ANKRD45: variants seen among roughly 807,000 people sequenced by gnomAD.
ANKRD45 encodes the protein ankyrin repeat domain 45.
Under a neutral mutation model 28.1 loss-of-function variants are expected in ANKRD45, and 21 were observed. The observed-to-expected ratio is 0.75, with a 90% CI of 0.53 to 1.08. The LOEUF (loss-of-function observed/expected upper bound fraction) is 1.08, where lower values mean the gene tolerates loss of function less well. ANKRD45 is among the 50% of genes least tolerant of loss of function. The pLI is 0.00. For synonymous variants in ANKRD45, 86 were observed against 103.9 expected (o/e 0.83, Z 1.05); for missense variants, 261 against 308.7 (o/e 0.85, Z 1.16).
chr1:173,694,452 C>T, the ANKRD45 span, among the ~76,000 whole-genome samples: 1 of 151,996 alleles, frequency 6.6e-6, no homozygotes, highest in Non-Finnish European at 1.5e-5. Context: ...GCGTGAATCA[C>T]TGTGCCTGGC....
chr1:173,645,255 C>G (rs1668872937), intron 3 of ANKRD45, among the ~76,000 whole-genome samples: 1 of 152,148 alleles, frequency 6.6e-6, no homozygotes, highest in Non-Finnish European at 1.5e-5. Flanking sequence ...ATCAATTATT[C>G]TAGTCCCTTT....
At chr1:173,697,637 G>A in the ANKRD45 span, among the ~76,000 whole-genome samples, 6 of 152,128 alleles carry the variant, frequency 3.9e-5, no homozygotes, top group Non-Finnish European at 8.8e-5. Flanking sequence ...TCACCACCAG[G>A]CCTGCCTTAC....
At chr1:173,659,035 C>A in intron 2 of ANKRD45, 56 bp downstream of exon 2, 1 of 1,568,136 alleles carries the variant, frequency 6.4e-7, no homozygotes, top group Non-Finnish European at 8.6e-7. Flanking sequence ...AAAGATATTA[C>A]ATTGCATCTT....
At chr1:173,690,912 G>A in the ANKRD45 span, among the ~76,000 whole-genome samples, 1 of 152,072 alleles carries the variant, frequency 6.6e-6, no homozygotes, top group Non-Finnish European at 1.5e-5. Context: ...CTTTTGGGGT[G>A]GGGCTCAATT....
intron 2 of ANKRD45, among the ~76,000 whole-genome samples, chr1:173,650,280 G>A (rs992656861): frequency 4.6e-5 from 7 of 151,948 alleles, no homozygotes; most frequent in East Asian, 1.9e-4. Context: ...AATAGACCCC[G>A]GTGTGTGATG....
the ANKRD45 span, among the ~76,000 whole-genome samples, chr1:173,705,553 A>G: frequency 6.6e-6 from 1 of 150,980 alleles, no homozygotes; most frequent in East Asian, 1.9e-4. Context: ...CGTAGTCCCA[A>G]CTATTTGTGG....
chr1:173,670,714 AGTT>A (rs1284378541), upstream of ANKRD45, among the ~76,000 whole-genome samples: 1 of 152,234 alleles, frequency 6.6e-6, no homozygotes, highest in Non-Finnish European at 1.5e-5. Context: ...GGTGATAGGC[AGTT>A]GTTAACTGTC....
At chr1:173,678,147 G>A in the ANKRD45 span, among the ~76,000 whole-genome samples, 7 of 152,150 alleles carry the variant, frequency 4.6e-5, no homozygotes, top group Non-Finnish European at 1.0e-4. Context: ...GACGTACAAA[G>A]AGGAACTGGT....
chr1:173,643,236 C>G (rs1668781271), intron 3 of ANKRD45, among the ~76,000 whole-genome samples: 1 of 146,084 alleles, frequency 6.8e-6, no homozygotes, highest in South Asian at 2.2e-4. Flanking sequence ...TGTAGTGGCT[C>G]CATCTTGGCT....
chr1:173,619,921 T>G (rs1667628501), intron 5 of ANKRD45, among the ~76,000 whole-genome samples: 1 of 151,414 alleles, frequency 6.6e-6, no homozygotes, highest in African/African-American at 2.4e-5. Flanking sequence ...TAAATATATA[T>G]GCACACAATA....
At chr1:173,630,548 A>T (rs989343124) in intron 3 of ANKRD45, among the ~76,000 whole-genome samples, 3 of 150,960 alleles carry the variant, frequency 2.0e-5, no homozygotes, top group African/African-American at 7.3e-5. Flanking sequence ...GTAATCTCAA[A>T]TCAAAAAACA....
the ANKRD45 span, among the ~76,000 whole-genome samples, chr1:173,713,882 CTTCCATTT>C: frequency 6.6e-6 from 1 of 152,132 alleles, no homozygotes; most frequent in African/African-American, 2.4e-5. Flanking sequence ...AATAAAACTT[CTTCCATTT>C]TTCCACTCGA....
At chr1:173,672,321 A>C (rs1287323845), upstream of ANKRD45, among the ~76,000 whole-genome samples, 2 of 152,220 alleles carry the variant, frequency 1.3e-5, no homozygotes, top group Non-Finnish European at 1.5e-5. Flanking sequence ...TCTACTCAAC[A>C]ATCATTTCTT....
chr1:173,615,205 C>T (rs1025706369), intron 5 of ANKRD45, among the ~76,000 whole-genome samples: 5 of 151,624 alleles, frequency 3.3e-5, no homozygotes, highest in East Asian at 1.9e-4. Context: ...GCCAACATGG[C>T]GAAACCCCAT....
At chr1:173,625,635 A>T (rs1260727815) in intron 4 of ANKRD45, among the ~76,000 whole-genome samples, 1 of 151,652 alleles carries the variant, frequency 6.6e-6, no homozygotes, top group African/African-American at 2.4e-5. Context: ...GCATATGCAG[A>T]AGTATGTAGA....
chr1:173,632,630 A>G (rs142631184), intron 3 of ANKRD45, among the ~76,000 whole-genome samples: 1 of 152,060 alleles, frequency 6.6e-6, no homozygotes, highest in Non-Finnish European at 1.5e-5. Flanking sequence ...ACTGAATTCA[A>G]CCACACATTT....
the ANKRD45 span, among the ~76,000 whole-genome samples, chr1:173,682,240 T>C: frequency 2.0e-5 from 3 of 152,200 alleles, no homozygotes; most frequent in African/African-American, 7.2e-5. Flanking sequence ...CTAGACCACA[T>C]GATCTTTTTA....
intron 3 of ANKRD45, among the ~76,000 whole-genome samples, chr1:173,644,947 C>T (rs1007853234): frequency 4.7e-5 from 7 of 149,460 alleles, no homozygotes; most frequent in Non-Finnish European, 1.0e-4. Context: ...GAGTCAAGAT[C>T]ACGTCATTGT....
intron 3 of ANKRD45, among the ~76,000 whole-genome samples, chr1:173,644,498 T>A (rs1668837466): frequency 6.6e-6 from 1 of 152,202 alleles, no homozygotes. Context: ...TTTTCATTTC[T>A]TTTCACCACT....
Sources: gnomAD v4.1 joint callset for allele counts (sites outside exome capture counted in the v4.1 genomes callset) on GRCh38, gnomAD v4.1.1 for gene constraint, MANE v1.5 for transcripts, NCBI Gene and HGNC (gene_info 2026-07-23, HGNC 2026-07-21) for gene names.